Variants in ASTN1 observed in about 807,000 individuals in gnomAD.
ASTN1 encodes the protein astrotactin-1.
ASTN1 carries 41 observed loss-of-function variants against 140.7 expected under a neutral mutation model. The observed-to-expected ratio is 0.29, with a 90% CI of 0.23 to 0.38. The LOEUF (loss-of-function observed/expected upper bound fraction) is 0.38, where lower values mean the gene tolerates loss of function less well. Among genes scored for constraint, ASTN1 ranks in the 10% least tolerant of loss-of-function variants. ASTN1 has a pLI of 1.00. For synonymous variants in ASTN1, 640 were observed against 652.2 expected, an observed-to-expected ratio of 0.98 and a Z score of 0.29; for missense variants, 1,479 against 1,678.8, an observed-to-expected ratio of 0.88 and a Z score of 2.08.
chr1:177,080,078 T>C (rs1020465425), intron 1 of ASTN1, among the ~76,000 whole-genome samples: 1 of 152,034 alleles, frequency 6.6e-6, no homozygotes, highest in African/African-American at 2.4e-5. Flanking sequence ...ATGAATGCTG[T>C]GAATGTTATG....
chr1:177,113,319 T>A (rs1428159094), intron 1 of ASTN1, among the ~76,000 whole-genome samples: 3 of 152,164 alleles, frequency 2.0e-5, no homozygotes, highest in African/African-American at 7.2e-5. Context: ...AGCTGGTGGC[T>A]TCTCATGGGA....
intron 8 of ASTN1, among the ~76,000 whole-genome samples, chr1:177,004,665 T>G (rs1674908123): frequency 6.6e-6 from 1 of 151,754 alleles, no homozygotes. Flanking sequence ...AACCCAGAAA[T>G]AGAGCCAAAT....
chr1:177,000,293 A>G (rs1674665822), intron 8 of ASTN1, among the ~76,000 whole-genome samples: 1 of 152,182 alleles, frequency 6.6e-6, no homozygotes, highest in Non-Finnish European at 1.5e-5. Context: ...TCACTAATAG[A>G]AAATACAGGG....
At chr1:177,156,640 T>C (rs1026697249) in intron 1 of ASTN1, among the ~76,000 whole-genome samples, 3 of 152,192 alleles carry the variant, frequency 2.0e-5, no homozygotes, top group Non-Finnish European at 2.9e-5. Flanking sequence ...TTCAAAATAA[T>C]TTATGTAGAT....
At chr1:177,072,616 C>T (rs1057130029) in intron 1 of ASTN1, among the ~76,000 whole-genome samples, 3 of 152,182 alleles carry the variant, frequency 2.0e-5, no homozygotes, top group African/African-American at 4.8e-5. Context: ...ATTGACAGAA[C>T]AGTTTCTTTA....
At chr1:177,104,952 G>T (rs1423183746) in intron 1 of ASTN1, among the ~76,000 whole-genome samples, 1 of 152,150 alleles carries the variant, frequency 6.6e-6, no homozygotes, top group Non-Finnish European at 1.5e-5. Flanking sequence ...ATTTTGAAAT[G>T]AGTTCCTCTT....
intron 16 of ASTN1, among the ~76,000 whole-genome samples, chr1:176,911,175 A>G (rs1212980302): frequency 6.6e-6 from 1 of 152,182 alleles, no homozygotes; most frequent in African/African-American, 2.4e-5. Flanking sequence ...AAGATAAAAA[A>G]TGGTCCACCT....
intron 12 of ASTN1, 21 bp from the exon 13 acceptor site, chr1:176,946,141 A>T (rs769589859): frequency 2.0e-6 from 3 of 1,529,682 alleles, no homozygotes; most frequent in East Asian, 2.3e-5. Context: ...GGAGAGCTCA[A>T]TATAAGAAGT....
rs1348472455 is a variant in ASTN1, at chr1:177,164,646, C to T, written c.31G>A (p.Ala11Thr). Residue 11 changes from alanine to threonine, a missense_variant, in exon 1 of 23, where the codon GCC (alanine) becomes ACC (threonine). By Grantham distance (58) the Ala-to-Thr change is moderately conservative. This residue lies in a region of ASTN1 where 729 missense variants were observed against 860.4 expected (regional missense o/e 0.85). Coordinates refer to ENST00000361833, the MANE Select transcript of ASTN1 (RefSeq NM_004319.3). ...ACCGCCGCCGGCCCCCAGCAGCAGGCGAGCAGGGCGCAGAGCCCGGCTAAA... is the reference window on the plus strand; with the variant it reads ...ACCGCCGCCGGCCCCCAGCAGCAGGTGAGCAGGGCGCAGAGCCCGGCTAAA... MALAGLCALL[A>T]CCWGPAAVLA... is the part of the protein sequence containing the mutation. The T allele has an allele frequency of 2.5e-6, 4 of 1,600,002 alleles. No individual in the cohort carries two copies. Among genetic ancestry groups the T allele is most frequent in the Non-Finnish European group, 3.4e-6 (4 of 1,173,312 alleles).
chr1:177,059,342 A>G (rs964357363), intron 2 of ASTN1, among the ~76,000 whole-genome samples: 11 of 152,146 alleles, frequency 7.2e-5, no homozygotes, highest in African/African-American at 2.7e-4. Context: ...AATTCAGCTG[A>G]CCTGCCTGAA....
intron 1 of ASTN1, among the ~76,000 whole-genome samples, chr1:177,151,959 G>T (rs1237387844): frequency 6.6e-6 from 1 of 152,072 alleles, no homozygotes; most frequent in African/African-American, 2.4e-5. Flanking sequence ...TGCTTTTTTA[G>T]GTTATGTCCT....
At chr1:177,052,375 T>A (rs975670920) in intron 2 of ASTN1, among the ~76,000 whole-genome samples, 11 of 152,288 alleles carry the variant, frequency 7.2e-5, no homozygotes, top group Non-Finnish European at 1.6e-4. Context: ...CGGGAAGTGG[T>A]TTATAAGAAT....
chr1:177,003,608 C>T (rs1378221014), intron 8 of ASTN1, among the ~76,000 whole-genome samples: 3 of 152,042 alleles, frequency 2.0e-5, no homozygotes, highest in Non-Finnish European at 4.4e-5. Context: ...GTTGGAAGTT[C>T]GAGACCAGCC....
chr1:176,996,491 G>C (rs554362318), intron 8 of ASTN1, among the ~76,000 whole-genome samples: 3 of 152,084 alleles, frequency 2.0e-5, no homozygotes, highest in African/African-American at 7.2e-5. Flanking sequence ...CCTACATTCT[G>C]TACTGCTGGC....
chr1:177,078,701 C>T (rs944025182), intron 1 of ASTN1, among the ~76,000 whole-genome samples: 1 of 152,114 alleles, frequency 6.6e-6, no homozygotes, highest in African/African-American at 2.4e-5. Flanking sequence ...ATAGCACCAA[C>T]AACGTCAAAC....
intron 1 of ASTN1, among the ~76,000 whole-genome samples, chr1:177,110,956 T>C (rs1267727331): frequency 6.6e-6 from 1 of 152,238 alleles, no homozygotes; most frequent in Non-Finnish European, 1.5e-5. Flanking sequence ...TGTGAAAGCC[T>C]GGCTGAGTTT....
chr1:176,862,905 G>A lies in ASTN1; in HGVS notation c.*1379C>T, dbSNP rs1266573037. On this transcript the variant is annotated 3_prime_UTR_variant, in exon 23 of 23. Coordinates refer to ENST00000361833, the MANE Select transcript of ASTN1 (RefSeq NM_004319.3). Reference sequence around the variant, plus strand: ...ATCTGTTTGCTGACCTTTCTCATATGTTTCCAGATGAGGAGCCCTGGTCAA... The same window carrying A: ...ATCTGTTTGCTGACCTTTCTCATATATTTCCAGATGAGGAGCCCTGGTCAA... The A allele has an allele frequency of 1.0e-6, 1 of 985,324 alleles. No homozygotes were observed. The highest frequency in any genetic ancestry group is 1.7e-5 in the African/African-American group (1 of 57,226). 61.0% of individuals were successfully genotyped at this position (985,324 alleles called of 1,614,324 possible).
In ASTN1 at chr1:176,863,356, TG is replaced by T. The variant is rs1668027712; in HGVS notation, c.*927del. 1.0e-6 allele frequency: 1 copy of T among 985,772 alleles called. No homozygotes were observed. Among genetic ancestry groups the T allele is most frequent in the African/African-American group, 1.7e-5 (1 of 57,236 alleles). 61.1% of individuals were successfully genotyped at this position (985,772 alleles called of 1,614,324 possible). On this transcript the variant is annotated 3_prime_UTR_variant, in exon 23 of 23. Coordinates refer to ENST00000361833, the MANE Select transcript of ASTN1 (RefSeq NM_004319.3). ...AATCAGACATCGGCCAAGCCTTACC[TG>T]TCCAAGGTAAGAGGTGTGGGGGTTA...
At chr1:177,074,169 C>CT (rs556943646) in intron 1 of ASTN1, among the ~76,000 whole-genome samples, 12 of 152,248 alleles carry the variant, frequency 7.9e-5, no homozygotes, top group African/African-American at 2.6e-4. Context: ...TAGCTGGAGT[C>CT]TTTACCTGTG....
Sources: gnomAD v4.1 joint callset for allele counts (sites outside exome capture counted in the v4.1 genomes callset) on GRCh38, gnomAD v4.1.1 for gene constraint, gnomAD v4.1.1 regional missense constraint, MANE v1.5 for transcripts, NCBI Gene and HGNC (gene_info 2026-07-23, HGNC 2026-07-21) for gene names.